KNL1: variants seen among roughly 807,000 people sequenced by gnomAD.
The protein encoded by KNL1 is outer kinetochore KNL1 complex subunit KNL1.
KNL1 carries 66 observed loss-of-function variants against 201.3 expected under a neutral mutation model. The observed-to-expected ratio is 0.33, with a 90% CI of 0.27 to 0.40. KNL1 has a LOEUF of 0.40. Among genes scored for constraint, KNL1 ranks in the 10% least tolerant of loss-of-function variants. The pLI, the probability that KNL1 is intolerant of heterozygous loss-of-function variation, is 1.00. For missense variants in KNL1, 2,815 were observed against 2,690.5 expected (o/e 1.05, Z -1.02); for synonymous variants, 895 against 899.2 (o/e 1.00, Z 0.08).
intron 1 of KNL1, among the ~76,000 whole-genome samples, chr15:40,597,199 AT>A (rs1891646046): frequency 6.6e-6 from 1 of 152,114 alleles, no homozygotes; most frequent in Admixed American, 6.6e-5. Context: ...CATTGTGAGT[AT>A]GCTGCAGCAC....
At position 40,620,883 on chromosome 15, in the gene KNL1, A is replaced by G; in HGVS notation, c.619A>G (p.Thr207Ala). 6.3e-7 allele frequency: 1 copy of G among 1,597,734 alleles called. No homozygotes were observed. The highest frequency in any genetic ancestry group is 8.5e-7 in the Non-Finnish European group (1 of 1,174,972). Residue 207 changes from threonine to alanine, a missense_variant, in exon 10 of 26, where the codon ACT (threonine) becomes GCT (alanine). By Grantham distance (58) the Thr-to-Ala change is moderately conservative (BLOSUM62 0). Around this residue, in one of 3 missense-constraint regions of KNL1, gnomAD observed 2,464 missense variants for 2,291.7 expected, o/e 1.08. Transcript: ENST00000399668. ...KEVNFSVDQNTSSENKIDFND... is the reference protein window; with the variant it reads ...KEVNFSVDQNASSENKIDFND... ...AGTAAATTTTTCCGTGGATCAAAAC[A>G]CTTCTTCAGAAAATAAAATAGATTT...
At chr15:40,630,433 A>C (rs971454666) in intron 13 of KNL1, among the ~76,000 whole-genome samples, 3 of 152,234 alleles carry the variant, frequency 2.0e-5, no homozygotes, top group African/African-American at 4.8e-5. Context: ...GAAATTAAGA[A>C]ACACAATATC....
chr15:40,604,098 T>C (rs570059011), intron 2 of KNL1, among the ~76,000 whole-genome samples: 197 of 150,390 alleles, frequency 1.3e-3, no homozygotes, highest in African/African-American at 4.7e-3. Flanking sequence ...GCCTCCTACC[T>C]CAAGACCCTG....
Position 40,646,974 on chromosome 15 carries a change from C to T in KNL1, c.6007-13C>T, listed in dbSNP as rs755367049. ...GAGGTTTAACTTGACAGTCTATAAT[C>T]TTTTGTATTTAGAATGAGAGGGAGA... On this transcript the variant is annotated splice_polypyrimidine_tract_variant and intron_variant, in intron 16 of 25. Transcript: ENST00000399668. The T allele has an allele frequency of 8.9e-7, 1 of 1,124,232 alleles. No individual in the cohort carries two copies. Among genetic ancestry groups the T allele is most frequent in the Admixed American group, 1.8e-5 (1 of 57,014 alleles). The allele number at this position is 1,124,232 out of a possible 1,614,324, so 69.6% of individuals were successfully genotyped here. A position where few individuals can be genotyped will look rare whatever the true frequency, so the allele number is the denominator to read the frequency against.
intron 13 of KNL1, among the ~76,000 whole-genome samples, chr15:40,634,321 G>C (rs528827681): frequency 6.6e-6 from 1 of 152,152 alleles, no homozygotes; most frequent in Non-Finnish European, 1.5e-5. Context: ...TGGCCAGGCT[G>C]GTCTCGAACT....
At position 40,597,382 on chromosome 15, in the gene KNL1, G is replaced by A. The variant is rs118153359; in HGVS notation, c.-18+2990G>A. 1.7e-3 allele frequency among the ~76,000 whole-genome samples: 258 copies of A among 152,220 alleles called. 3 individuals carry two copies. Among genetic ancestry groups the A allele is most frequent in the Non-Finnish European group, 2.7e-3 (184 of 68,002 alleles). On this transcript the variant is annotated intron_variant, in intron 1 of 25. Transcript: ENST00000399668. ...GGATTCTCCTGCTTCAGCCTCCCAA[G>A]TACCTGGGATTACAGGAACACGCTT... is the stretch of plus-strand genomic sequence containing the variant.
intron 8 of KNL1, among the ~76,000 whole-genome samples, chr15:40,617,549 A>G (rs1294501860): frequency 6.6e-6 from 1 of 152,200 alleles, no homozygotes; most frequent in Non-Finnish European, 1.5e-5. Context: ...AGCAGTTCAC[A>G]GTCTGGCACC....
intron 12 of KNL1, 55 bp from the exon 13 acceptor site, chr15:40,629,218 A>T: frequency 2.1e-6 from 2 of 949,352 alleles, no homozygotes; most frequent in Non-Finnish European, 3.3e-6. Flanking sequence ...TGAAGTGGTT[A>T]TATCAAAGTG....
chr15:40,644,950 A>G (rs1181574633), intron 14 of KNL1, 47 bp from the exon 15 acceptor site: 2 of 1,227,634 alleles, frequency 1.6e-6, no homozygotes, highest in Non-Finnish European at 2.4e-6. Flanking sequence ...TAACAGTCTG[A>G]TCTCTTTCTT....
intron 24 of KNL1, among the ~76,000 whole-genome samples, chr15:40,658,943 GA>G (rs1893822725): frequency 7.5e-6 from 1 of 133,476 alleles, no homozygotes; most frequent in African/African-American, 2.8e-5. Flanking sequence ...AAAAAAAAAA[GA>G]AAAAGAAAAG....
chr15:40,625,626 A>G lies in KNL1; in HGVS notation c.5362A>G (p.Thr1788Ala). Residue 1788 changes from threonine (T) to alanine (A), a missense_variant, in exon 10 of 26, where the codon ACA becomes GCA. By Grantham distance (58) the Thr-to-Ala change is moderately conservative (BLOSUM62 0). Transcript: ENST00000399668. ...RKNEIKFSDT[T>A]QDREIFDHHT... ...AAATGAGATTAAGTTTAGTGATACGACACAAGATCGGGAGGTGAGCTCTGT... is the reference window on the plus strand; with the variant it reads ...AAATGAGATTAAGTTTAGTGATACGGCACAAGATCGGGAGGTGAGCTCTGT... The G allele has an allele frequency of 5.0e-6, 8 of 1,611,040 alleles. No individual in the cohort carries two copies. The highest frequency in any genetic ancestry group is 6.8e-6 in the Non-Finnish European group (8 of 1,178,906).
chr15:40,655,018 C>T (rs779396980), intron 22 of KNL1, 41 bp downstream of exon 22: 1 of 1,504,670 alleles, frequency 6.6e-7, no homozygotes, highest in Non-Finnish European at 9.2e-7. Flanking sequence ...TTTGTTGGGG[C>T]TGGGCACTAT....
At chr15:40,644,247 G>T (rs1012549913) in intron 14 of KNL1, among the ~76,000 whole-genome samples, 4 of 152,206 alleles carry the variant, frequency 2.6e-5, no homozygotes, top group African/African-American at 9.7e-5. Flanking sequence ...TTAAGAGAAG[G>T]TATGGTGACT....
At chr15:40,596,443 A>C (rs894306613) in intron 1 of KNL1, among the ~76,000 whole-genome samples, 7 of 151,800 alleles carry the variant, frequency 4.6e-5, no homozygotes, top group African/African-American at 1.7e-4. Context: ...TGCGCAGCCA[A>C]TTTTTATATT....
chr15:40,653,830 A>G (rs957680316), intron 21 of KNL1, among the ~76,000 whole-genome samples: 4 of 151,986 alleles, frequency 2.6e-5, no homozygotes, highest in Admixed American at 2.0e-4. Context: ...TATTCATCCT[A>G]TCTCAACACC....
Position 40,623,960 on chromosome 15 carries a change from A to G in KNL1, c.3696A>G (p.Gln1232=). Residue 1232 remains glutamine, a synonymous_variant, in exon 10 of 26, where the codon CAA becomes CAG. Coordinates refer to ENST00000399668, the MANE Select transcript of KNL1 (RefSeq NM_144508.5). ...KIVLHTEQKQ[Q]LFAATNRTTN... is the part of the protein sequence containing the mutation. ...TTCTTCACACCGAGCAAAAGCAACA[A>G]CTCTTTGCTGCTACTAATAGAACTA... is the stretch of plus-strand genomic sequence containing the variant. 6.2e-7 allele frequency: 1 copy of G among 1,613,562 alleles called. No individual in the cohort carries two copies. Among genetic ancestry groups the G allele is most frequent in the Non-Finnish European group, 8.5e-7 (1 of 1,179,888 alleles).
intron 24 of KNL1, among the ~76,000 whole-genome samples, chr15:40,658,171 T>C (rs1005257503): frequency 2.0e-5 from 3 of 151,396 alleles, no homozygotes; most frequent in Non-Finnish European, 4.4e-5. Context: ...GAGGCTGAGG[T>C]AGGAGAATCA....
intron 13 of KNL1, among the ~76,000 whole-genome samples, chr15:40,637,904 A>G (rs954413003): frequency 3.3e-5 from 5 of 151,990 alleles, no homozygotes; most frequent in African/African-American, 1.2e-4. Context: ...TTAGCTGGGC[A>G]TGGTGGCTCA....
chr15:40,626,782 G>A (rs1012094070), intron 10 of KNL1, among the ~76,000 whole-genome samples: 1 of 152,122 alleles, frequency 6.6e-6, no homozygotes. Context: ...GTTTCACCAC[G>A]TTGGCCAGGC....
Sources: allele counts gnomAD v4.1 joint callset (sites outside exome capture counted in the v4.1 genomes callset), GRCh38; gene constraint gnomAD v4.1.1; regional missense constraint gnomAD v4.1.1; transcripts MANE v1.5; gene names NCBI Gene and HGNC (gene_info 2026-07-23, HGNC 2026-07-21).